The following USP15 variants were observed in gnomAD, a reference collection of about 807,000 sequenced individuals.
USP15 encodes ubiquitin specific peptidase 15.
In USP15, 18 loss-of-function variants were observed where a neutral mutation model predicts 127.1. The ratio of observed to expected loss-of-function variants is 0.14; its 90% CI spans 0.10 to 0.21. The LOEUF (loss-of-function observed/expected upper bound fraction) is 0.21. USP15 is among the 10% of genes least tolerant of loss of function. The pLI, the probability that USP15 is intolerant of heterozygous loss-of-function variation, is 1.00. For synonymous variants in USP15, 364 were observed against 393.7 expected (o/e 0.92, Z 0.89); for missense variants, 805 against 1,159.9 (o/e 0.69, Z 4.44).
At chr12:62,400,824 T>G (rs577626649) in intron 20 of USP15, among the ~76,000 whole-genome samples, 3 of 152,060 alleles carry the variant, frequency 2.0e-5, no homozygotes, top group Non-Finnish European at 4.4e-5. Context: ...GGGAGAATAA[T>G]AATGATAATA....
At chr12:62,316,786 G>A (rs1219744849) in intron 4 of USP15, among the ~76,000 whole-genome samples, 1 of 152,022 alleles carries the variant, frequency 6.6e-6, no homozygotes, top group African/African-American at 2.4e-5. Flanking sequence ...TTCAAAACAA[G>A]AATTATGGGT....
intron 19 of USP15, among the ~76,000 whole-genome samples, chr12:62,394,505 T>C (rs564191119): frequency 1.3e-5 from 2 of 152,296 alleles, no homozygotes; most frequent in South Asian, 4.1e-4. Context: ...TTTAACAAAA[T>C]AGTGAGCCAT....
rs1200895407 is a variant in USP15, at chr12:62,411,307, CTGG to C, written c.*6933_*6935del. 3 of 152,188 alleles carry C rather than the reference CTGG, an allele frequency of 2.0e-5. No individual in the cohort carries two copies. Among genetic ancestry groups the C allele is most frequent in the African/African-American group, 7.2e-5 (3 of 41,428 alleles). 9.4% of individuals were successfully genotyped at this position (152,188 alleles called of 1,614,324 possible). A position where few individuals can be genotyped will look rare whatever the true frequency, so the allele number is the denominator to read the frequency against. ...CTCCTCACTTTTTAGATGGATGGCA[CTGG>C]GCTCTGGAGCAAACCATCTGTTCTG... On this transcript the variant is annotated 3_prime_UTR_variant, in exon 22 of 22. Transcript: ENST00000280377.
At chr12:62,327,870 T>C (rs1215238886) in intron 6 of USP15, 1 of 235,906 alleles carries the variant, frequency 4.2e-6, no homozygotes, top group Non-Finnish European at 8.6e-6. Context: ...TACTAAAGCA[T>C]AGAAAAGTTA....
chr12:62,262,706 A>G (rs1222155348), intron 1 of USP15, among the ~76,000 whole-genome samples: 1 of 152,120 alleles, frequency 6.6e-6, no homozygotes, highest in Non-Finnish European at 1.5e-5. Flanking sequence ...GTGTCTCACT[A>G]TATTGCCCAT....
intron 20 of USP15, among the ~76,000 whole-genome samples, chr12:62,397,110 TATC>T (rs373145052): frequency 2.6e-5 from 4 of 152,226 alleles, no homozygotes; most frequent in Middle Eastern, 3.2e-3. Context: ...ATATCCTACT[TATC>T]ATTATATATT....
At chr12:62,343,616 A>G (rs1317584563) in intron 6 of USP15, among the ~76,000 whole-genome samples, 1 of 152,206 alleles carries the variant, frequency 6.6e-6, no homozygotes, top group Non-Finnish European at 1.5e-5. Context: ...GCCAGGTAGC[A>G]CAGTCCCTCA....
chr12:62,323,242 A>G (rs1019333702), intron 5 of USP15, among the ~76,000 whole-genome samples: 8 of 152,184 alleles, frequency 5.3e-5, no homozygotes, highest in African/African-American at 1.9e-4. Flanking sequence ...TCCCCAGACT[A>G]TGAGGTCCTT....
intron 20 of USP15, among the ~76,000 whole-genome samples, chr12:62,400,649 A>T (rs191465634): frequency 2.0e-4 from 31 of 152,046 alleles, no homozygotes; most frequent in African/African-American, 6.7e-4. Flanking sequence ...TAATGAGTAG[A>T]GGTATCAGAA....
chr12:62,314,979 T>C (rs1225542248), intron 4 of USP15, 63 bp downstream of exon 4: 8 of 1,381,398 alleles, frequency 5.8e-6, no homozygotes, highest in Non-Finnish European at 7.6e-6. Flanking sequence ...AGAATTATCT[T>C]TGTATATGCT....
intron 9 of USP15, among the ~76,000 whole-genome samples, chr12:62,383,077 T>C (rs747581440): frequency 1.3e-5 from 2 of 151,882 alleles, no homozygotes; most frequent in Non-Finnish European, 2.9e-5. Flanking sequence ...ATAAGCTTTG[T>C]TGAGTGCTTA....
chr12:62,396,360 C>T lies in USP15; in HGVS notation c.2636C>T (p.Ala879Val). 1.2e-6 allele frequency: 2 copies of T among 1,610,046 alleles called. No individual in the cohort carries two copies. Among genetic ancestry groups the T allele is most frequent in the Non-Finnish European group, 1.7e-6 (2 of 1,178,080 alleles). ...GGTCCTTGCCGCTATAATCTGATTGCTGTTTCCAACCACTATGGAGGGATG... is the reference window on the plus strand; with the variant it reads ...GGTCCTTGCCGCTATAATCTGATTGTTGTTTCCAACCACTATGGAGGGATG... ...NAGPCRYNLI[A>V]VSNHYGGMGG... is the part of the protein sequence containing the mutation. Residue 879 changes from alanine (A) to valine (V), a missense_variant, in exon 20 of 22, where the codon GCT becomes GTT. By Grantham distance (64) the Ala-to-Val change is moderately conservative. Around this residue, in one of 11 missense-constraint regions of USP15, gnomAD observed 116 missense variants for 157.2 expected, o/e 0.74. Transcript: ENST00000280377.
intron 6 of USP15, among the ~76,000 whole-genome samples, chr12:62,329,466 G>T (rs892310733): frequency 6.6e-6 from 1 of 152,174 alleles, no homozygotes; most frequent in Non-Finnish European, 1.5e-5. Context: ...TAGTAGATCT[G>T]ATTACATCAG....
intron 8 of USP15, among the ~76,000 whole-genome samples, chr12:62,379,871 T>C (rs2066936817): frequency 6.6e-6 from 1 of 151,994 alleles, no homozygotes; most frequent in Non-Finnish European, 1.5e-5. Context: ...GGGTTTATAA[T>C]TAAAAGGACA....
intron 9 of USP15, among the ~76,000 whole-genome samples, chr12:62,382,249 AGCTGAAATTTAGCTTTATG>A (rs66564635): frequency 0.37 from 56,142 of 151,532 alleles, 11,440 homozygotes; most frequent in East Asian, 0.55. Flanking sequence ...ATAAGAATTG[AGCTGAAATTTAGCTTTATG>A]GCTGAAATTT....
intron 14 of USP15, 53 bp from the exon 15 acceptor site, chr12:62,390,811 A>G (rs559472698): frequency 2.2e-6 from 3 of 1,363,342 alleles, no homozygotes; most frequent in South Asian, 1.3e-5. Context: ...AAACTTTTTA[A>G]AAGTTTTTAT....
chr12:62,383,229 T>C lies in USP15; in HGVS notation c.1090-611T>C, dbSNP rs552529213. ...ACTGAACCATTACTCCTAGGGAAAC[T>C]ATAGGGTTTGATTCCTCCAAGCCTT... On this transcript the variant is annotated intron_variant, in intron 9 of 21. Coordinates refer to ENST00000280377, the MANE Select transcript of USP15 (RefSeq NM_001252078.2). 6.6e-5 allele frequency among the ~76,000 whole-genome samples: 10 copies of C among 152,040 alleles called. No homozygotes were observed. The South Asian group carries it at 1.0e-3, about 16-fold the overall frequency.
chr12:62,392,342 T>C lies in USP15; in HGVS notation c.2375T>C (p.Ile792Thr). Residue 792 changes from isoleucine (I) to threonine (T), a missense_variant, in exon 18 of 22, where the codon ATT (isoleucine) becomes ACT (threonine). By Grantham distance (89) the Ile-to-Thr change is moderately conservative. Coordinates refer to ENST00000280377, the MANE Select transcript of USP15 (RefSeq NM_001252078.2). ...KKPFVKLKDC[I>T]ELFTTKEKLG... ...CCCTTTGTGAAATTAAAAGATTGCA[T>C]TGAACTTTTTACAACAAAAGAAAAG... The C allele has an allele frequency of 6.2e-7, 1 of 1,606,706 alleles. No homozygotes were observed. The highest frequency in any genetic ancestry group is 8.5e-7 in the Non-Finnish European group (1 of 1,177,632).
chr12:62,325,002 T>C (rs897978646), intron 5 of USP15, among the ~76,000 whole-genome samples: 1 of 152,042 alleles, frequency 6.6e-6, no homozygotes, highest in Non-Finnish European at 1.5e-5. Context: ...TTTCACGTCA[T>C]ATTGTCTGTA....
Sources: allele counts gnomAD v4.1 joint callset (sites outside exome capture counted in the v4.1 genomes callset), GRCh38; gene constraint gnomAD v4.1.1; regional missense constraint gnomAD v4.1.1; transcripts MANE v1.5; gene names NCBI Gene and HGNC (gene_info 2026-07-23, HGNC 2026-07-21).